The following CHN1 variants were observed in gnomAD, a reference collection of about 807,000 sequenced individuals.
CHN1 encodes the protein chimerin 1.
CHN1 carries 37 observed loss-of-function variants against 59.5 expected under a neutral mutation model. That is an observed-to-expected ratio of 0.62 (90% CI 0.48 to 0.82). The LOEUF (loss-of-function observed/expected upper bound fraction) is 0.82. Ranked by LOEUF, CHN1 falls within the 40% of genes least tolerant of loss-of-function variation. CHN1 has a pLI of 0.00. For missense variants in CHN1, 469 were observed against 571.0 expected (o/e 0.82, Z 1.82); for synonymous variants, 206 against 200.4 (o/e 1.03, Z -0.24).
chr2:174,843,732 AG>A (rs1479359616), intron 7 of CHN1, among the ~76,000 whole-genome samples: 5 of 151,552 alleles, frequency 3.3e-5, no homozygotes, highest in African/African-American at 9.7e-5. Context: ...GGGTATTTGT[AG>A]TAACAAAAAT....
At chr2:174,965,411 G>A (rs1226777181) in intron 1 of CHN1, among the ~76,000 whole-genome samples, 3 of 152,058 alleles carry the variant, frequency 2.0e-5, no homozygotes, top group African/African-American at 7.2e-5. Context: ...AAGTTAAACA[G>A]TTCATTCTAG....
intron 6 of CHN1, 88 bp from the exon 7 acceptor site, chr2:174,847,045 T>C: frequency 6.4e-7 from 1 of 1,551,654 alleles, no homozygotes; most frequent in South Asian, 1.2e-5. Flanking sequence ...CTGCTATCAA[T>C]AAATCTTGCT....
chr2:174,827,195 T>C lies in CHN1; in HGVS notation c.628-2677A>G, dbSNP rs564751637. Reference sequence around the variant, plus strand: ...TATATTTGTAAAAGGTTGATTACTGTAGCCTTTGAGTCTTTTATTCCTCTA... The same window carrying C: ...TATATTTGTAAAAGGTTGATTACTGCAGCCTTTGAGTCTTTTATTCCTCTA... On this transcript the variant is annotated intron_variant, in intron 7 of 12. Coordinates refer to ENST00000409900, the MANE Select transcript of CHN1 (RefSeq NM_001822.7). Among the ~76,000 whole-genome samples the C allele has an allele frequency of 6.6e-5, 10 of 152,346 alleles. No homozygotes were observed. In the East Asian group the frequency reaches 1.7e-3, roughly 26 times the overall value.
intron 6 of CHN1, among the ~76,000 whole-genome samples, chr2:174,849,092 T>C (rs949044365): frequency 2.0e-5 from 3 of 152,202 alleles, no homozygotes; most frequent in Non-Finnish European, 4.4e-5. Context: ...ATATTTGATA[T>C]CAAGTTACTA....
At chr2:174,971,937 A>G (rs1480279963) in intron 1 of CHN1, among the ~76,000 whole-genome samples, 1 of 152,256 alleles carries the variant, frequency 6.6e-6, no homozygotes, top group East Asian at 1.9e-4. Flanking sequence ...GCAAGCTCAT[A>G]TGAGCAGGAG....
intron 5 of CHN1, among the ~76,000 whole-genome samples, chr2:174,893,641 A>G (rs920955304): frequency 1.3e-5 from 2 of 152,312 alleles, no homozygotes; most frequent in African/African-American, 4.8e-5. Flanking sequence ...TCTGAAATTC[A>G]TATGAAATCT....
chr2:174,996,833 C>G (rs1002774629), intron 1 of CHN1, among the ~76,000 whole-genome samples: 2 of 152,166 alleles, frequency 1.3e-5, no homozygotes, highest in African/African-American at 4.8e-5. Context: ...CTCAAAACTG[C>G]CCAGCACATC....
At chr2:174,938,987 T>C (rs7571082) in intron 3 of CHN1, among the ~76,000 whole-genome samples, 6,401 of 152,196 alleles carry the variant, frequency 0.042, 475 homozygotes, top group African/African-American at 0.15. Flanking sequence ...AAAGTGGAAA[T>C]GATGAATACA....
In CHN1 at chr2:174,935,516, A is replaced by G. The variant is rs1236860529; in HGVS notation, c.114+9372T>C. On this transcript the variant is annotated intron_variant, in intron 3 of 12. Coordinates refer to ENST00000409900, the MANE Select transcript of CHN1 (RefSeq NM_001822.7). ...CTATAAGCATTTAACAACCTATACTACACACCAGTCAGCATACCTAGGTGC... is the reference window on the plus strand; with the variant it reads ...CTATAAGCATTTAACAACCTATACTGCACACCAGTCAGCATACCTAGGTGC... 2.6e-5 allele frequency among the ~76,000 whole-genome samples: 4 copies of G among 152,250 alleles called. No homozygotes were observed. In the East Asian group the frequency reaches 7.7e-4, roughly 29 times the overall value.
chr2:174,809,733 C>T (rs1429159931), intron 10 of CHN1, among the ~76,000 whole-genome samples: 1 of 152,122 alleles, frequency 6.6e-6, no homozygotes, highest in Non-Finnish European at 1.5e-5. Context: ...AGGGCTATAC[C>T]ATATCAGCAA....
intron 1 of CHN1, among the ~76,000 whole-genome samples, chr2:174,965,441 T>TTTAA (rs1361556348): frequency 6.6e-6 from 1 of 152,158 alleles, no homozygotes; most frequent in African/African-American, 2.4e-5. Context: ...GAATGTTAAA[T>TTTAA]TTAAGCTGTT....
chr2:174,982,750 A>G (rs1301606294), intron 1 of CHN1, among the ~76,000 whole-genome samples: 1 of 152,214 alleles, frequency 6.6e-6, no homozygotes, highest in Non-Finnish European at 1.5e-5. Flanking sequence ...AAGAGCACAC[A>G]CATACCTTTA....
At chr2:174,810,795 G>A (rs768268267) in intron 10 of CHN1, 6 of 152,188 alleles carry the variant, frequency 3.9e-5, no homozygotes, top group Admixed American at 1.3e-4. Context: ...ACTAGAATAC[G>A]TACTTGCAAA....
rs141638920 is a variant in CHN1, at chr2:174,941,292, G to A, written c.114+3596C>T. Among the ~76,000 whole-genome samples, 954 of 152,176 alleles carry A rather than the reference G, an allele frequency of 6.3e-3. 13 individuals carry two copies. Among genetic ancestry groups the A allele is most frequent in the African/African-American group, 0.022 (923 of 41,542 alleles). Reference sequence around the variant, plus strand: ...TAAAAAACATTGCCTCCTTTTGGTGGGAAACCATATTTGGAACCCAAAATC... The same window carrying A: ...TAAAAAACATTGCCTCCTTTTGGTGAGAAACCATATTTGGAACCCAAAATC... On this transcript the variant is annotated intron_variant, in intron 3 of 12. Transcript: ENST00000409900.
intron 10 of CHN1, 72 bp downstream of exon 10, chr2:174,811,439 C>A: frequency 1.0e-6 from 1 of 992,260 alleles, no homozygotes. Context: ...CAAAAAATAC[C>A]TCACAAGAAA....
At chr2:174,834,811 T>C (rs1338125818) in intron 7 of CHN1, among the ~76,000 whole-genome samples, 2 of 152,228 alleles carry the variant, frequency 1.3e-5, no homozygotes, top group Non-Finnish European at 2.9e-5. Flanking sequence ...ATTTATATTC[T>C]TTTAAACAAA....
At chr2:174,837,954 A>T (rs1282873308) in intron 7 of CHN1, among the ~76,000 whole-genome samples, 1 of 152,240 alleles carries the variant, frequency 6.6e-6, no homozygotes. Flanking sequence ...AATGATGAAC[A>T]CCAACTAATG....
chr2:174,912,530 T>C (rs916909281), intron 5 of CHN1, among the ~76,000 whole-genome samples: 1 of 152,186 alleles, frequency 6.6e-6, no homozygotes, highest in African/African-American at 2.4e-5. Context: ...TTCCTAATTT[T>C]AGAGCCCCTA....
intron 8 of CHN1, among the ~76,000 whole-genome samples, chr2:174,821,202 C>T (rs1471462013): frequency 2.6e-5 from 4 of 152,118 alleles, no homozygotes; most frequent in South Asian, 2.1e-4. Context: ...CAGGTGTTAG[C>T]GGGTCTGCAT....
Sources: gnomAD v4.1 joint callset for allele counts (sites outside exome capture counted in the v4.1 genomes callset) on GRCh38, gnomAD v4.1.1 for gene constraint, MANE v1.5 for transcripts, NCBI Gene and HGNC (gene_info 2026-07-23, HGNC 2026-07-21) for gene names.